The following OPCML variants were observed in gnomAD, a reference collection of about 807,000 sequenced individuals.
OPCML encodes the protein opioid-binding protein/cell adhesion molecule.
In OPCML, 13 loss-of-function variants were observed where a neutral mutation model predicts 37.8. That is an observed-to-expected ratio of 0.34 (90% CI 0.22 to 0.55). The LOEUF is 0.55. OPCML is among the 20% of genes least tolerant of loss of function. The pLI is 0.91. For missense variants in OPCML, 341 were observed against 435.6 expected (o/e 0.78, Z 1.93); for synonymous variants, 176 against 168.8 (o/e 1.04, Z -0.33).
At chr11:133,057,885 T>A (rs192249202) in intron 1 of OPCML, among the ~76,000 whole-genome samples, 1 of 152,296 alleles carries the variant, frequency 6.6e-6, no homozygotes, top group East Asian at 1.9e-4. Context: ...GTGTTTGCAA[T>A]ATAAAAAATT....
chr11:132,903,613 T>C (rs1944137016), intron 2 of OPCML, among the ~76,000 whole-genome samples: 1 of 152,050 alleles, frequency 6.6e-6, no homozygotes, highest in Non-Finnish European at 1.5e-5. Context: ...CTGGGCAACA[T>C]AGTGAGACCT....
intron 2 of OPCML, among the ~76,000 whole-genome samples, chr11:132,793,316 C>A (rs2136185091): frequency 1.3e-5 from 2 of 152,298 alleles, no homozygotes; most frequent in South Asian, 4.2e-4. Context: ...CGGAATCCAT[C>A]CGCAGAAATT....
intron 1 of OPCML, among the ~76,000 whole-genome samples, chr11:133,020,690 C>A (rs138152935): frequency 6.5e-4 from 99 of 152,242 alleles, no homozygotes; most frequent in African/African-American, 2.2e-3. Context: ...CAAGTCAGTT[C>A]TTGGCTGATA....
chr11:132,929,237 A>G (rs1026396055), intron 2 of OPCML, among the ~76,000 whole-genome samples: 5 of 152,002 alleles, frequency 3.3e-5, no homozygotes, highest in Admixed American at 2.0e-4. Context: ...TAAAATTCAA[A>G]TAACTAAAAT....
At chr11:133,024,516 C>G (rs948699685) in intron 1 of OPCML, 10 of 985,306 alleles carry the variant, frequency 1.0e-5, no homozygotes, top group Admixed American at 6.1e-5. Flanking sequence ...TTAAGAAACG[C>G]TTATTGCCTG....
At chr11:132,791,146 C>T (rs1412760874) in intron 2 of OPCML, among the ~76,000 whole-genome samples, 2 of 152,134 alleles carry the variant, frequency 1.3e-5, no homozygotes, top group African/African-American at 2.4e-5. Context: ...ACATCAAAGC[C>T]GTTGTGCACC....
intron 1 of OPCML, among the ~76,000 whole-genome samples, chr11:133,210,895 T>G (rs1939328531): frequency 6.6e-6 from 1 of 152,160 alleles, no homozygotes; most frequent in African/African-American, 2.4e-5. Flanking sequence ...TTAGAATGTT[T>G]TGGGTCTCTT....
At chr11:132,890,550 T>C (rs1943600454) in intron 2 of OPCML, among the ~76,000 whole-genome samples, 1 of 151,428 alleles carries the variant, frequency 6.6e-6, no homozygotes. Context: ...AAAATAAAGA[T>C]AAGAAAGAAA....
chr11:132,989,603 GTGT>G (rs1946738779), intron 1 of OPCML, among the ~76,000 whole-genome samples: 1 of 7,828 alleles, frequency 1.3e-4, no homozygotes, highest in Non-Finnish European at 2.2e-4. Context: ...GTCCTAGAGC[GTGT>G]GTGTGTGTGT....
intron 1 of OPCML, among the ~76,000 whole-genome samples, chr11:133,312,347 A>G (rs1379619925): frequency 6.6e-6 from 1 of 152,080 alleles, no homozygotes; most frequent in Admixed American, 6.5e-5. Context: ...ACAACAAAAC[A>G]CCGCATTGTG....
rs554760117 is a variant in OPCML at position 132,479,063 on chromosome 11, T to A, written c.506-41704A>T. 3.3e-5 allele frequency among the ~76,000 whole-genome samples: 5 copies of A among 152,294 alleles called. No homozygotes were observed. The East Asian group carries it at 9.7e-4, about 29-fold the overall frequency. Reference sequence around the variant, plus strand: ...TGGCCGAATAGGAACAGCCCTGGTCTACAGCTCCCAGCCTGAGTGACGCAG... The same window carrying A: ...TGGCCGAATAGGAACAGCCCTGGTCAACAGCTCCCAGCCTGAGTGACGCAG... On this transcript the variant is annotated intron_variant, in intron 4 of 7. Coordinates refer to ENST00000524381, the MANE Select transcript of OPCML (RefSeq NM_001012393.5).
chr11:133,486,419 C>T (rs1030259893), intron 1 of OPCML, among the ~76,000 whole-genome samples: 6 of 152,172 alleles, frequency 3.9e-5, no homozygotes, highest in African/African-American at 1.4e-4. Context: ...AATTTGACTA[C>T]CAACAACTTC....
chr11:132,479,205 C>T (rs564828303), intron 4 of OPCML, among the ~76,000 whole-genome samples: 1 of 152,296 alleles, frequency 6.6e-6, no homozygotes, highest in East Asian at 1.9e-4. Flanking sequence ...GGCATTGCCT[C>T]ACTCAGGAAG....
intron 2 of OPCML, among the ~76,000 whole-genome samples, chr11:132,844,586 T>C (rs1941440598): frequency 6.6e-6 from 1 of 152,208 alleles, no homozygotes. Context: ...TTAGTTCAGA[T>C]GAGACATGAT....
At chr11:133,124,085 G>GAGAGAAGGAAATGTA (rs1442614293) in intron 1 of OPCML, among the ~76,000 whole-genome samples, 2 of 151,958 alleles carry the variant, frequency 1.3e-5, no homozygotes, top group African/African-American at 4.8e-5. Context: ...GTACCCAATG[G>GAGAGAAGGAAATGTA]AGAGAAGGAA....
intron 2 of OPCML, among the ~76,000 whole-genome samples, chr11:132,687,369 CATATAT>C (rs56834972): frequency 2.1e-3 from 102 of 49,330 alleles, no homozygotes; most frequent in Non-Finnish European, 3.1e-3. Flanking sequence ...CCTTAAGCTA[CATATAT>C]ATATATATAT....
rs547138237 is a variant in OPCML at position 133,503,269 on chromosome 11, A to C, written c.61+28995T>G. Among the ~76,000 whole-genome samples, 6 of 152,304 alleles carry C rather than the reference A, an allele frequency of 3.9e-5. No homozygotes were observed. In the South Asian group the frequency reaches 1.2e-3, roughly 32 times the overall value. ...TCCCTGGCCCTATGAGCTCTGTGGA[A>C]CCATCACTACCTTACAGCCCCCAAA... On this transcript the variant is annotated intron_variant, in intron 1 of 7. Transcript: ENST00000524381.
intron 3 of OPCML, among the ~76,000 whole-genome samples, chr11:132,556,433 A>T (rs539677288): frequency 6.6e-6 from 1 of 152,312 alleles, no homozygotes; most frequent in East Asian, 1.9e-4. Flanking sequence ...TTAGAGCTAC[A>T]AGAGACGTTA....
intron 1 of OPCML, among the ~76,000 whole-genome samples, chr11:133,034,120 A>G (rs1565409277): frequency 6.6e-6 from 1 of 152,148 alleles, no homozygotes; most frequent in Admixed American, 6.6e-5. Flanking sequence ...ATTTTGAGAA[A>G]GAGGCTGAGG....
Sources: gnomAD v4.1 joint callset for allele counts (sites outside exome capture counted in the v4.1 genomes callset) on GRCh38, gnomAD v4.1.1 for gene constraint, MANE v1.5 for transcripts, NCBI Gene and HGNC (gene_info 2026-07-23, HGNC 2026-07-21) for gene names.